Variants in EML5 observed in about 807,000 individuals in gnomAD.
The protein encoded by EML5 is EMAP like 5, also known as echinoderm microtubule-associated protein-like 5.
EML5 carries 120 observed loss-of-function variants against 250.0 expected under a neutral mutation model. That is an observed-to-expected ratio of 0.48 (90% CI 0.41 to 0.56). The LOEUF (loss-of-function observed/expected upper bound fraction) is 0.56, where lower values mean the gene tolerates loss of function less well. EML5 is among the 20% of genes least tolerant of loss of function. EML5 has a pLI of 0.00. For missense variants in EML5, 2,006 were observed against 2,437.6 expected (o/e 0.82, Z 3.73); for synonymous variants, 771 against 806.5 (o/e 0.96, Z 0.75).
chr14:88,701,725 C>T (rs568499255), intron 14 of EML5, among the ~76,000 whole-genome samples: 1 of 152,184 alleles, frequency 6.6e-6, no homozygotes, highest in African/African-American at 2.4e-5. Context: ...TAAAGCCAGA[C>T]AGACTGAAGG....
intron 15 of EML5, 43 bp from the exon 16 acceptor site, chr14:88,695,497 C>A: frequency 6.6e-7 from 1 of 1,522,004 alleles, no homozygotes. Flanking sequence ...TATTAACATT[C>A]AGAAGAGAGA....
intron 14 of EML5, among the ~76,000 whole-genome samples, chr14:88,698,753 T>C (rs141822903): frequency 6.6e-6 from 1 of 152,294 alleles, no homozygotes; most frequent in East Asian, 1.9e-4. Context: ...GAGCAGTTAC[T>C]TTTCCTCTGA....
chr14:88,664,674 T>C (rs769108509), intron 22 of EML5, 50 bp from the exon 23 acceptor site: 2 of 1,564,436 alleles, frequency 1.3e-6, no homozygotes, highest in South Asian at 1.2e-5. Context: ...GGAAATACTT[T>C]TTTACACTCT....
At chr14:88,690,617 G>C (rs2092934264) in intron 17 of EML5, among the ~76,000 whole-genome samples, 1 of 152,206 alleles carries the variant, frequency 6.6e-6, no homozygotes, top group South Asian at 2.1e-4. Flanking sequence ...ACTGTTTAGA[G>C]GTGGTTTAGC....
rs2087432873 is a variant in EML5 at position 88,615,366 on chromosome 14, C to A, written c.*452G>T. On this transcript the variant is annotated 3_prime_UTR_variant, in exon 44 of 44. Transcript: ENST00000554922. ...TTAGGATGATCATGACTTTCCCTTT[C>A]CTTATGGAAATGCAAGAATAAAATA... 6.5e-6 allele frequency: 1 copy of A among 153,096 alleles called. No homozygotes were observed. The highest frequency in any genetic ancestry group is 1.5e-5 in the Non-Finnish European group (1 of 68,728). The allele number at this position is 153,096 out of a possible 1,614,324, so 9.5% of individuals were successfully genotyped here. A position where few individuals can be genotyped will look rare whatever the true frequency, so the allele number is the denominator to read the frequency against.
intron 9 of EML5, among the ~76,000 whole-genome samples, chr14:88,713,186 G>A (rs1007235558): frequency 1.2e-4 from 19 of 152,212 alleles, no homozygotes; most frequent in African/African-American, 4.3e-4. Flanking sequence ...AAGGTCAGGA[G>A]TTCAAGACCA....
chr14:88,682,059 GTGTA>G (rs1347080449), intron 20 of EML5, 28 bp from the exon 21 acceptor site: 29 of 1,534,994 alleles, frequency 1.9e-5, no homozygotes, highest in Non-Finnish European at 2.2e-5. Flanking sequence ...GATCAATTTA[GTGTA>G]TGTGTGTGTA....
chr14:88,696,589 G>A (rs535969437), intron 15 of EML5, among the ~76,000 whole-genome samples: 5 of 152,218 alleles, frequency 3.3e-5, no homozygotes, highest in South Asian at 4.1e-4. Flanking sequence ...AGGTTGTTAC[G>A]TAGATAAACA....
At chr14:88,789,565 A>G (rs1241397880) in intron 1 of EML5, among the ~76,000 whole-genome samples, 1 of 43,638 alleles carries the variant, frequency 2.3e-5, no homozygotes, top group Non-Finnish European at 4.8e-5. Context: ...CTTTACTGAG[A>G]AAATGATGAA....
At chr14:88,636,310 C>T (rs1443057706) in intron 32 of EML5, among the ~76,000 whole-genome samples, 1 of 152,208 alleles carries the variant, frequency 6.6e-6, no homozygotes, top group Non-Finnish European at 1.5e-5. Flanking sequence ...TCCCCTTGCT[C>T]TCATGTACAC....
chr14:88,739,254 A>T (rs1259516995), intron 5 of EML5, among the ~76,000 whole-genome samples: 1 of 152,230 alleles, frequency 6.6e-6, no homozygotes, highest in Non-Finnish European at 1.5e-5. Context: ...AAATACAGTC[A>T]GCTGTGTATC....
chr14:88,642,954 A>G lies in EML5; in HGVS notation c.4176T>C (p.Asn1392=), dbSNP rs750663354. 3 of 1,607,110 alleles carry G rather than the reference A, an allele frequency of 1.9e-6. No homozygotes were observed. Among genetic ancestry groups the G allele is most frequent in the Non-Finnish European group, 2.5e-6 (3 of 1,177,780 alleles). ...TGTGATAAATTATATCATCACCATC[A>G]TTTAAATAGTGAACATTATTCCTAC... ...RDCRNNVHYL[N]DGDDIIYHTA... Residue 1392 remains asparagine, a synonymous_variant, in exon 31 of 44, where the codon AAT becomes AAC. Coordinates refer to ENST00000554922, the MANE Select transcript of EML5 (RefSeq NM_183387.3).
At chr14:88,696,443 C>T (rs1476541472) in intron 15 of EML5, among the ~76,000 whole-genome samples, 2 of 152,024 alleles carry the variant, frequency 1.3e-5, no homozygotes, top group African/African-American at 4.8e-5. Context: ...ATAAGTATTT[C>T]AATTCTCAAC....
intron 31 of EML5, among the ~76,000 whole-genome samples, chr14:88,640,263 C>G (rs921187087): frequency 8.5e-5 from 13 of 152,148 alleles, no homozygotes; most frequent in Middle Eastern, 6.3e-3. Flanking sequence ...TTCTTCTCAT[C>G]TGCACATGAA....
chr14:88,694,444 T>A (rs1027431411), intron 16 of EML5, 37 bp from the exon 17 acceptor site: 23 of 1,380,322 alleles, frequency 1.7e-5, no homozygotes, highest in Non-Finnish European at 2.0e-5. Flanking sequence ...CTCTGAAGAT[T>A]CATCATTCCT....
At position 88,740,548 on chromosome 14, in the gene EML5, G is replaced by T; in HGVS notation, c.550C>A (p.Leu184Met). The T allele has an allele frequency of 6.2e-7, 1 of 1,610,542 alleles. No homozygotes were observed. The highest frequency in any genetic ancestry group is 8.5e-7 in the Non-Finnish European group (1 of 1,178,736). ...IKFWSLCGNA[L>M]TPKRGVFGKT... is the part of the protein sequence containing the mutation. ...CCAAAGACACCTCGTTTTGGGGTCA[G>T]AGCATTTCCACATAAACTCCAGAAC... is the stretch of plus-strand genomic sequence containing the variant. Residue 184 changes from leucine (L) to methionine (M), a missense_variant, in exon 5 of 44, where the codon CTG (leucine) becomes ATG (methionine). By Grantham distance (15) the Leu-to-Met change is conservative. Around this residue, in one of 7 missense-constraint regions of EML5, gnomAD observed 1,375 missense variants for 1,590.3 expected, o/e 0.86. Coordinates refer to ENST00000554922, the MANE Select transcript of EML5 (RefSeq NM_183387.3).
chr14:88,646,812 T>C (rs1386530780), intron 29 of EML5, 135 bp downstream of exon 29: 2 of 807,050 alleles, frequency 2.5e-6, no homozygotes, highest in East Asian at 5.5e-5. Context: ...GTGATACCAA[T>C]TCCAAAGGAA....
chr14:88,783,761 G>C (rs993003755), intron 1 of EML5, among the ~76,000 whole-genome samples: 3 of 152,178 alleles, frequency 2.0e-5, no homozygotes, highest in African/African-American at 4.8e-5. Context: ...ATTCCAGACA[G>C]AAAATCAACA....
At chr14:88,712,968 A>T (rs2093430040) in intron 9 of EML5, among the ~76,000 whole-genome samples, 1 of 152,238 alleles carries the variant, frequency 6.6e-6, no homozygotes, top group African/African-American at 2.4e-5. Context: ...GGACCCGGTC[A>T]GTCTTCATTA....
Sources: allele counts gnomAD v4.1 joint callset (sites outside exome capture counted in the v4.1 genomes callset), GRCh38; gene constraint gnomAD v4.1.1; regional missense constraint gnomAD v4.1.1; transcripts MANE v1.5; gene names NCBI Gene and HGNC (gene_info 2026-07-23, HGNC 2026-07-21).